The following SLC27A6 variants were observed in gnomAD, a reference collection of about 807,000 sequenced individuals.
SLC27A6 encodes long-chain fatty acid transport protein 6.
Under a neutral mutation model 63.9 loss-of-function variants are expected in SLC27A6, and 74 were observed. The observed-to-expected ratio is 1.16, with a 90% confidence interval of 0.96 to 1.40. SLC27A6 has a LOEUF of 1.40. Ranked by LOEUF, SLC27A6 falls within the 40% of genes most tolerant of loss-of-function variation. The pLI is 0.00. For synonymous variants in SLC27A6, 287 were observed against 260.8 expected (o/e 1.10, Z -0.97); for missense variants, 794 against 732.9 (o/e 1.08, Z -0.96).
In SLC27A6 at chr5:129,015,997, A is replaced by G. The variant is rs755013519; in HGVS notation, c.1082A>G (p.Tyr361Cys). ...GGAAATATAAAGGTGTGTGAACTTT[A>G]TGCAGCTACCGAATCAAGCATATCT... ...RFGNIKVCELYAATESSISFM... is the reference protein window; with the variant it reads ...RFGNIKVCELCAATESSISFM... Residue 361 changes from tyrosine (Y) to cysteine (C), a missense_variant, in exon 5 of 10, where the codon TAT becomes TGT. Tyr to Cys is a radical substitution (Grantham distance 194, BLOSUM62 -2). Coordinates refer to ENST00000262462, the MANE Select transcript of SLC27A6 (RefSeq NM_001017372.3). 4.3e-6 allele frequency: 7 copies of G among 1,611,096 alleles called. No individual in the cohort carries two copies. The South Asian group carries it at 5.5e-5, about 13-fold the overall frequency.
chr5:129,026,878 C>G (rs1010502860), intron 6 of SLC27A6, among the ~76,000 whole-genome samples: 22 of 152,080 alleles, frequency 1.4e-4, no homozygotes, highest in African/African-American at 5.1e-4. Context: ...TATAAGAAAT[C>G]TAATGAGGCT....
chr5:129,006,257 A>C (rs2150144874), intron 4 of SLC27A6, among the ~76,000 whole-genome samples: 1 of 150,368 alleles, frequency 6.7e-6, no homozygotes, highest in East Asian at 2.0e-4. Flanking sequence ...TGCCCGCCTA[A>C]TTTTTTGTAT....
intron 1 of SLC27A6, among the ~76,000 whole-genome samples, chr5:128,973,513 G>A (rs535662375): frequency 4.6e-5 from 7 of 152,246 alleles, no homozygotes; most frequent in South Asian, 2.1e-4. Context: ...CTGCCACCTC[G>A]CAGTTCAATC....
intron 9 of SLC27A6, among the ~76,000 whole-genome samples, chr5:129,031,450 T>G (rs1448551789): frequency 6.6e-6 from 1 of 151,932 alleles, no homozygotes; most frequent in Non-Finnish European, 1.5e-5. Flanking sequence ...ACGAACTTGG[T>G]CCTTTCATTC....
chr5:129,016,324 A>G lies in SLC27A6; in HGVS notation c.1164+245A>G, dbSNP rs1010820755. 2.9e-5 allele frequency among the ~76,000 whole-genome samples: 4 copies of G among 139,968 alleles called. No homozygotes were observed. The Admixed American group carries it at 3.1e-4, about 11-fold the overall frequency. The allele number at this position is 139,968 out of a possible 152,430, so 91.8% of individuals were successfully genotyped here. A position where few individuals can be genotyped will look rare whatever the true frequency, so the allele number is the denominator to read the frequency against. On this transcript the variant is annotated intron_variant, in intron 5 of 9. Transcript: ENST00000262462. ...GGCAGGAGAATGGCATGAACCCAGG[A>G]GGTGGAGCTTGCAGTGAGCAGAGAT...
intron 4 of SLC27A6, among the ~76,000 whole-genome samples, chr5:128,995,740 TC>T (rs1389003394): frequency 6.6e-6 from 1 of 152,140 alleles, no homozygotes; most frequent in Non-Finnish European, 1.5e-5. Flanking sequence ...TGCTGGGCCA[TC>T]CATTGACTAG....
chr5:128,966,664 T>A, intron 1 of SLC27A6, 46 bp downstream of exon 1: 1 of 1,418,894 alleles, frequency 7.0e-7, no homozygotes, highest in South Asian at 1.8e-5. Context: ...GCAGCCCACC[T>A]GCTTTCATAC....
intron 4 of SLC27A6, among the ~76,000 whole-genome samples, chr5:129,006,455 G>A (rs995597920): frequency 4.0e-5 from 6 of 148,846 alleles, no homozygotes; most frequent in Admixed American, 1.3e-4. Context: ...GAGTGTGTGT[G>A]TGTGTGTGTG....
chr5:129,008,165 AAAC>A (rs1184839404), intron 4 of SLC27A6, among the ~76,000 whole-genome samples: 1 of 152,194 alleles, frequency 6.6e-6, no homozygotes, highest in African/African-American at 2.4e-5. Flanking sequence ...ACATAACACT[AAAC>A]AATAGATCAA....
chr5:129,025,686 A>G (rs1752218255), intron 6 of SLC27A6, among the ~76,000 whole-genome samples: 1 of 152,066 alleles, frequency 6.6e-6, no homozygotes, highest in South Asian at 2.1e-4. Flanking sequence ...TGATGATATG[A>G]TGGTGTTGGT....
chr5:129,032,997 C>A, intron 9 of SLC27A6, 109 bp from the exon 10 acceptor site: 1 of 548,354 alleles, frequency 1.8e-6, no homozygotes, highest in Non-Finnish European at 3.0e-6. Context: ...ATACAGAGAT[C>A]ACTAGATATA....
intron 3 of SLC27A6, among the ~76,000 whole-genome samples, chr5:128,989,936 A>AT (rs1410581583): frequency 8.6e-5 from 13 of 152,008 alleles, no homozygotes; most frequent in Non-Finnish European, 1.8e-4. Context: ...AAAAAAAAAA[A>AT]AAAAGATATG....
At chr5:128,984,465 C>T (rs539790682) in intron 1 of SLC27A6, among the ~76,000 whole-genome samples, 2 of 152,316 alleles carry the variant, frequency 1.3e-5, no homozygotes, top group East Asian at 3.9e-4. Flanking sequence ...ACCAGTTGCT[C>T]CTTTGTTATC....
intron 4 of SLC27A6, among the ~76,000 whole-genome samples, chr5:129,003,465 C>T (rs1751411129): frequency 2.0e-5 from 3 of 152,250 alleles, no homozygotes; most frequent in East Asian, 1.9e-4. Flanking sequence ...GTTGATGTAG[C>T]TGAGTTCTGC....
At chr5:128,971,183 T>A (rs1750145459) in intron 1 of SLC27A6, among the ~76,000 whole-genome samples, 1 of 152,156 alleles carries the variant, frequency 6.6e-6, no homozygotes, top group East Asian at 1.9e-4. Context: ...TCCAACTATG[T>A]GGTCAATTTT....
chr5:129,023,774 C>A, intron 6 of SLC27A6, 64 bp downstream of exon 6: 1 of 1,132,942 alleles, frequency 8.8e-7, no homozygotes, highest in Non-Finnish European at 1.3e-6. Context: ...TACAGACATC[C>A]CTTGGTATCC....
intron 6 of SLC27A6, 118 bp from the exon 7 acceptor site, chr5:129,027,015 G>C: frequency 1.3e-6 from 1 of 785,102 alleles, no homozygotes; most frequent in Non-Finnish European, 2.1e-6. Flanking sequence ...AATAGGTTCA[G>C]AGGAAGCTGA....
rs146300195 is a variant in SLC27A6 at position 128,991,152 on chromosome 5, G to A, written c.969+688G>A. ...CCTCCCCCTGTGCTCTCAGGTGATA[G>A]ATGATTGACTATTTCTTTACCTCCT... On this transcript the variant is annotated intron_variant, in intron 4 of 9. Transcript: ENST00000262462. Among the ~76,000 whole-genome samples the A allele has an allele frequency of 6.6e-3, 1,001 of 152,268 alleles. 17 individuals carry two copies. Among genetic ancestry groups the A allele is most frequent in the South Asian group, 7.5e-3 (36 of 4,832 alleles).
chr5:128,981,604 G>A (rs1750590342), intron 1 of SLC27A6, among the ~76,000 whole-genome samples: 2 of 152,156 alleles, frequency 1.3e-5, no homozygotes, highest in South Asian at 4.1e-4. Flanking sequence ...ATGCGGCCAG[G>A]TAGAGTGAGC....
Sources: gnomAD v4.1 joint callset for allele counts (sites outside exome capture counted in the v4.1 genomes callset) on GRCh38, gnomAD v4.1.1 for gene constraint, MANE v1.5 for transcripts, NCBI Gene and HGNC (gene_info 2026-07-23, HGNC 2026-07-21) for gene names.